Variants in CMTM4 observed in about 807,000 individuals in gnomAD.
The protein encoded by CMTM4 is CKLF like MARVEL transmembrane domain containing 4.
A neutral mutation model predicts 19.0 loss-of-function variants in CMTM4; 8 were observed. The ratio of observed to expected loss-of-function variants is 0.42; its 90% CI spans 0.25 to 0.76. CMTM4 has a LOEUF of 0.76. Ranked by LOEUF, CMTM4 falls within the 30% of genes least tolerant of loss-of-function variation. CMTM4 has a pLI of 0.27. For synonymous variants in CMTM4, 106 were observed against 121.1 expected, an observed-to-expected ratio of 0.88 and a Z score of 0.82; for missense variants, 228 against 290.2, an observed-to-expected ratio of 0.79 and a Z score of 1.56.
At chr16:66,604,852 G>A in the CMTM4 span, 7 of 1,368,398 alleles carry the variant, frequency 5.1e-6, no homozygotes, top group Non-Finnish European at 6.6e-6. Flanking sequence ...GAGCCTGCCG[G>A]CGGCTCCCGT....
chr16:66,604,593 G>T, the CMTM4 span: 1 of 352,284 alleles, frequency 2.8e-6, no homozygotes, highest in Non-Finnish European at 5.0e-6. Flanking sequence ...GGAGGGGGCG[G>T]GTCGGGCCCA....
At position 66,618,886 on chromosome 16, in the gene CMTM4, C is replaced by T. The variant is rs2015575498; in HGVS notation, c.*3172G>A. On this transcript the variant is annotated 3_prime_UTR_variant, in exon 4 of 4. Coordinates refer to ENST00000394106, the MANE Select transcript of CMTM4 (RefSeq NM_181521.3). ...ACAGGGCCCGAAGGGCTGGGGGTGC[C>T]GCTGGCTTCCCAGGGCCAAGCGCTC... The T allele has an allele frequency of 4.1e-6, 4 of 985,442 alleles. No homozygotes were observed. Among genetic ancestry groups the T allele is most frequent in the Non-Finnish European group, 4.8e-6 (4 of 830,016 alleles). 61.0% of individuals were successfully genotyped at this position (985,442 alleles called of 1,614,324 possible).
intron 1 of CMTM4, among the ~76,000 whole-genome samples, chr16:66,642,090 A>G (rs1346296418): frequency 2.6e-5 from 4 of 152,172 alleles, no homozygotes; most frequent in East Asian, 1.9e-4. Flanking sequence ...TTTGTCTGAC[A>G]TTGGACACAG....
chr16:66,620,773 G>A lies in CMTM4; in HGVS notation c.*1285C>T, dbSNP rs192182376. The A allele has an allele frequency of 8.4e-4, 831 of 985,632 alleles. 27 individuals are homozygous for A. The Admixed American group carries it at 0.044, about 52-fold the overall frequency. 61.1% of individuals were successfully genotyped at this position (985,632 alleles called of 1,614,324 possible). A position where few individuals can be genotyped will look rare whatever the true frequency, so the allele number is the denominator to read the frequency against. ...GTAAACATTAAAAACAGTTCAAAGA[G>A]GGAAAACCTGACAAACTAAAACAAC... On this transcript the variant is annotated 3_prime_UTR_variant, in exon 4 of 4. Coordinates refer to ENST00000394106, the MANE Select transcript of CMTM4 (RefSeq NM_181521.3).
In CMTM4 at chr16:66,617,751, G is replaced by A. The variant is rs2144771711; in HGVS notation, c.*4307C>T. 5 of 1,008,374 alleles carry A rather than the reference G, an allele frequency of 5.0e-6. No individual in the cohort carries two copies. Among genetic ancestry groups the A allele is most frequent in the Middle Eastern group, 5.1e-4 (1 of 1,974 alleles). 62.5% of individuals were successfully genotyped at this position (1,008,374 alleles called of 1,614,324 possible). ...GCTGAGGGTGTCAGGCCTGCGTCCTGTCTGAGATGGCAGCCAAGCCAGCTT... is the reference window on the plus strand; with the variant it reads ...GCTGAGGGTGTCAGGCCTGCGTCCTATCTGAGATGGCAGCCAAGCCAGCTT... On this transcript the variant is annotated 3_prime_UTR_variant, in exon 4 of 4. Transcript: ENST00000394106.
rs778014748 is a variant in CMTM4 at position 66,621,716 on chromosome 16, C to T, written c.*342G>A. ...GTCCCTTCATTCCTTCATATTTCCCCCCTCTTAGCAGCCCCATTTAATCCA... is the reference window on the plus strand; with the variant it reads ...GTCCCTTCATTCCTTCATATTTCCCTCCTCTTAGCAGCCCCATTTAATCCA... On this transcript the variant is annotated 3_prime_UTR_variant, in exon 4 of 4. Coordinates refer to ENST00000394106, the MANE Select transcript of CMTM4 (RefSeq NM_181521.3). 3.9e-4 allele frequency: 430 copies of T among 1,089,258 alleles called. 1 individual carries two copies. Among genetic ancestry groups the T allele is most frequent in the Admixed American group, 1.1e-3 (24 of 22,636 alleles). The allele number at this position is 1,089,258 out of a possible 1,614,324, so 67.5% of individuals were successfully genotyped here.
At chr16:66,641,074 G>T (rs2016090903) in intron 1 of CMTM4, among the ~76,000 whole-genome samples, 1 of 152,172 alleles carries the variant, frequency 6.6e-6, no homozygotes, top group Admixed American at 6.5e-5. Flanking sequence ...TTAAGACAGG[G>T]TCTTCCTCTG....
chr16:66,609,495 G>A, the CMTM4 span: 41 of 1,609,954 alleles, frequency 2.5e-5, no homozygotes, highest in African/African-American at 2.4e-4. This position sits in a 1 kb window ranked among gnomAD's most constrained non-coding sequence, Gnocchi z 4.4. Flanking sequence ...CACGGCCATC[G>A]CCAAGTACTC....
chr16:66,612,909 C>T (rs1276264973), downstream of CMTM4: 9 of 621,188 alleles, frequency 1.4e-5, no homozygotes, highest in African/African-American at 3.7e-5. This position sits in a 1 kb window ranked among gnomAD's most constrained non-coding sequence, Gnocchi z 6.0. Context: ...AGCCCTTTAA[C>T]GTCTCTGCCA....
rs528218151 is a variant in CMTM4 at position 66,622,290 on chromosome 16, C to A, written c.463-68G>T. ...GGCCCCTCAAGGCTTCTGTGGTGAC[C>A]CAAGCCACATGCAGCCCCTTCCTGC... On this transcript the variant is annotated intron_variant, in intron 3 of 3. Coordinates refer to ENST00000394106, the MANE Select transcript of CMTM4 (RefSeq NM_181521.3). The surrounding 1 kb of genome is among the most constrained non-coding windows in gnomAD (Gnocchi z 4.0). The A allele has an allele frequency of 6.4e-7, 1 of 1,552,058 alleles. No homozygotes were observed. The highest frequency in any genetic ancestry group is 8.8e-7 in the Non-Finnish European group (1 of 1,141,512).
intron 1 of CMTM4, among the ~76,000 whole-genome samples, chr16:66,648,268 G>T (rs1287009091): frequency 6.6e-6 from 1 of 152,228 alleles, no homozygotes; most frequent in Non-Finnish European, 1.5e-5. Context: ...AGAGTAAGCA[G>T]AAAAATGAAC....
At chr16:66,602,363 C>G in the CMTM4 span, among the ~76,000 whole-genome samples, 1 of 152,096 alleles carries the variant, frequency 6.6e-6, no homozygotes, top group South Asian at 2.1e-4. Context: ...TGCCACTGCA[C>G]TCCAGCCTGG....
the CMTM4 span, among the ~76,000 whole-genome samples, chr16:66,600,136 G>GGTTTTTTTTTTTTTTTTT: frequency 3.7e-5 from 5 of 135,154 alleles, no homozygotes; most frequent in South Asian, 2.4e-4. Flanking sequence ...GTGTGTGTGT[G>GGTTTTTTTTTTTTTTTTT]TTTTTTTTTG....
intron 1 of CMTM4, among the ~76,000 whole-genome samples, chr16:66,666,490 CCA>C (rs1339617974): frequency 1.3e-5 from 2 of 152,060 alleles, no homozygotes; most frequent in Non-Finnish European, 2.9e-5. Flanking sequence ...AGAAGACAAG[CCA>C]CAGAGTTAAA....
intron 1 of CMTM4, among the ~76,000 whole-genome samples, chr16:66,664,671 A>G (rs2016560061): frequency 6.6e-6 from 1 of 152,160 alleles, no homozygotes; most frequent in African/African-American, 2.4e-5. Flanking sequence ...AACTATATAA[A>G]GAGATACTAG....
chr16:66,612,578 C>G, downstream of CMTM4: 1 of 1,613,360 alleles, frequency 6.2e-7, no homozygotes, highest in South Asian at 1.1e-5. This position sits in a 1 kb window ranked among gnomAD's most constrained non-coding sequence, Gnocchi z 6.0. Context: ...CCTGAGCCTC[C>G]TGCCAAGCAT....
At chr16:66,602,397 A>G in the CMTM4 span, among the ~76,000 whole-genome samples, 3 of 152,136 alleles carry the variant, frequency 2.0e-5, no homozygotes, top group Non-Finnish European at 2.9e-5. Context: ...CCTCTGTCTC[A>G]AGAAAGAAAA....
rs1024658179 is a variant in CMTM4, at chr16:66,696,035, C to G, written c.186+305G>C. On this transcript the variant is annotated intron_variant, in intron 1 of 3. Coordinates refer to ENST00000394106, the MANE Select transcript of CMTM4 (RefSeq NM_181521.3). This position sits in a 1 kb window ranked among gnomAD's most constrained non-coding sequence, Gnocchi z 4.3. ...GAGACAGCAGGATTCCCAGCAGCAC[C>G]CAGCCCAGTAACGCCACAGACTCCC... Among the ~76,000 whole-genome samples the G allele has an allele frequency of 2.6e-5, 4 of 152,200 alleles. No homozygotes were observed. The highest frequency in any genetic ancestry group is 4.4e-5 in the Non-Finnish European group (3 of 68,034).
chr16:66,674,173 T>C (rs2016762804), intron 1 of CMTM4, among the ~76,000 whole-genome samples: 1 of 152,168 alleles, frequency 6.6e-6, no homozygotes, highest in African/African-American at 2.4e-5. Context: ...GACATAGGCC[T>C]TTGGGACCCA....
Sources: allele counts gnomAD v4.1 joint callset (sites outside exome capture counted in the v4.1 genomes callset), GRCh38; gene constraint gnomAD v4.1.1; non-coding constraint Gnocchi (gnomAD v3.1); transcripts MANE v1.5; gene names NCBI Gene and HGNC (gene_info 2026-07-23, HGNC 2026-07-21).